The following ZDHHC15 variants were observed in gnomAD, a reference collection of about 807,000 sequenced individuals.
The protein encoded by ZDHHC15 is palmitoyltransferase ZDHHC15.
ZDHHC15 carries 19 observed loss-of-function variants against 31.7 expected under a neutral mutation model. The observed-to-expected ratio is 0.60, with a 90% CI of 0.42 to 0.88. The LOEUF (loss-of-function observed/expected upper bound fraction) is 0.88. Ranked by LOEUF, ZDHHC15 falls within the 40% of genes least tolerant of loss-of-function variation. The pLI is 0.00. For synonymous variants in ZDHHC15, 103 were observed against 90.0 expected (o/e 1.14, Z -0.82); for missense variants, 209 against 251.2 (o/e 0.83, Z 1.14).
rs185236919 is a variant in ZDHHC15, at chrX:75,483,723, G to C, written c.164-4738C>G. 2.7e-5 allele frequency among the ~76,000 whole-genome samples: 3 copies of C among 111,551 alleles called. No individual in the cohort carries two copies. The East Asian group carries it at 8.5e-4, about 31-fold the overall frequency. On this transcript the variant is annotated intron_variant, in intron 2 of 11. Transcript: ENST00000373367. ...GGGAATAATCTTTGGCTTCTTTCCTGGTTTAAAATGGATAGTTGAAATATC... is the reference window on the plus strand; with the variant it reads ...GGGAATAATCTTTGGCTTCTTTCCTCGTTTAAAATGGATAGTTGAAATATC...
At chrX:75,479,833 G>T (rs2084661920) in intron 2 of ZDHHC15, among the ~76,000 whole-genome samples, 1 of 111,973 alleles carries the variant, frequency 8.9e-6, no homozygotes, top group South Asian at 3.8e-4. Context: ...TGCTGCAAAA[G>T]ACATGATTTC....
chrX:75,489,900 C>A (rs1360204090), intron 2 of ZDHHC15, among the ~76,000 whole-genome samples: 1 of 111,814 alleles, frequency 8.9e-6, no homozygotes, highest in Non-Finnish European at 1.9e-5. Context: ...CTTAAAGGAC[C>A]TGATGGAGCT....
chrX:75,445,800 C>T (rs1310977837), intron 4 of ZDHHC15, among the ~76,000 whole-genome samples: 3 of 111,576 alleles, frequency 2.7e-5, no homozygotes, highest in South Asian at 7.6e-4. Context: ...ATACTGAGTG[C>T]CTAAATTCCA....
intron 10 of ZDHHC15, among the ~76,000 whole-genome samples, chrX:75,412,526 G>A (rs1260122403): frequency 9.0e-6 from 1 of 110,755 alleles, no homozygotes; most frequent in African/African-American, 3.3e-5. Context: ...CCACTTCCCG[G>A]GTTCAAGCGA....
intron 1 of ZDHHC15, among the ~76,000 whole-genome samples, chrX:75,515,896 C>T (rs2085348468): frequency 8.9e-6 from 1 of 111,805 alleles, no homozygotes; most frequent in South Asian, 3.7e-4. Context: ...TCTCAGGATA[C>T]CAAATCAATG....
At chrX:75,438,516 C>A (rs1437151731) in intron 4 of ZDHHC15, among the ~76,000 whole-genome samples, 1 of 110,619 alleles carries the variant, frequency 9.0e-6, no homozygotes, top group Non-Finnish European at 1.9e-5. Flanking sequence ...CATTGAATAC[C>A]TTTTTTCACT....
chrX:75,519,741 C>T (rs1047825591), intron 1 of ZDHHC15, among the ~76,000 whole-genome samples: 16 of 112,022 alleles, frequency 1.4e-4, no homozygotes, highest in Non-Finnish European at 2.8e-4. Flanking sequence ...GGATTTCCAA[C>T]TCTTCACTAT....
Position 75,372,014 on chromosome X carries a change from A to G in ZDHHC15, c.*964T>C, listed in dbSNP as rs1433050582. 1 of 111,980 alleles carries G rather than the reference A, an allele frequency of 8.9e-6. No individual in the cohort carries two copies. Among genetic ancestry groups the G allele is most frequent in the African/African-American group, 3.2e-5 (1 of 30,853 alleles). 9.2% of individuals were successfully genotyped at this position (111,980 alleles called of 1,213,427 possible). On this transcript the variant is annotated 3_prime_UTR_variant, in exon 12 of 12. Coordinates refer to ENST00000373367, the MANE Select transcript of ZDHHC15 (RefSeq NM_144969.3). ...AGGCTAATGTCAGCTGTGAAACTTT[A>G]CCCTTATGAAAGGCAGTGAAATTAA...
At chrX:75,505,914 A>AGAGAGAG in intron 1 of ZDHHC15, 67 bp from the exon 2 acceptor site, 1 of 986,327 alleles carries the variant, frequency 1.0e-6, no homozygotes, top group Non-Finnish European at 1.4e-6. Flanking sequence ...AGAGAGAGAG[A>AGAGAGAG]AATTAGTTAT....
rs1032834227 is a variant in ZDHHC15, at chrX:75,479,040, T to C, written c.164-55A>G. On this transcript the variant is annotated intron_variant, in intron 2 of 11. Coordinates refer to ENST00000373367, the MANE Select transcript of ZDHHC15 (RefSeq NM_144969.3). The stretch of plus-strand genomic sequence containing the variant: ...CTATCTTTTTATCCATTTCTAAGAA[T>C]TCAAAAATACAAAGCTCCATGACGA... 18 of 854,133 alleles carry C rather than the reference T, an allele frequency of 2.1e-5. No individual in the cohort carries two copies. The African/African-American group carries it at 3.4e-4, about 16-fold the overall frequency. 70.4% of individuals were successfully genotyped at this position (854,133 alleles called of 1,213,427 possible). A position where few individuals can be genotyped will look rare whatever the true frequency, so the allele number is the denominator to read the frequency against.
chrX:75,466,897 T>TG (rs2084415509), intron 3 of ZDHHC15, among the ~76,000 whole-genome samples: 1 of 43,988 alleles, frequency 2.3e-5, no homozygotes, highest in Admixed American at 3.2e-4. Context: ...CTGTTAGGGG[T>TG]GGGGGGAGGG....
intron 10 of ZDHHC15, among the ~76,000 whole-genome samples, chrX:75,394,880 T>C (rs1166651992): frequency 8.9e-6 from 1 of 111,853 alleles, no homozygotes; most frequent in Admixed American, 9.5e-5. Context: ...CCTAAAAATA[T>C]TTACAGAACA....
chrX:75,438,558 T>C (rs1011800508), intron 4 of ZDHHC15, among the ~76,000 whole-genome samples: 1 of 111,707 alleles, frequency 9.0e-6, no homozygotes, highest in African/African-American at 3.3e-5. Flanking sequence ...AGTCCTTTTA[T>C]GTTAGGTGCG....
At chrX:75,412,434 T>C (rs2083494804) in intron 10 of ZDHHC15, among the ~76,000 whole-genome samples, 1 of 110,235 alleles carries the variant, frequency 9.1e-6, no homozygotes, top group Admixed American at 9.6e-5. Flanking sequence ...CTGATTATTA[T>C]TCTTTTTTTT....
chrX:75,375,369 A>G (rs1204009788), intron 11 of ZDHHC15, among the ~76,000 whole-genome samples: 1 of 111,962 alleles, frequency 8.9e-6, no homozygotes, highest in African/African-American at 3.2e-5. Flanking sequence ...TATTTTGTTG[A>G]TTGTTTGCAT....
At chrX:75,436,428 T>C (rs1195751775) in intron 4 of ZDHHC15, among the ~76,000 whole-genome samples, 1 of 111,924 alleles carries the variant, frequency 8.9e-6, no homozygotes, top group Non-Finnish European at 1.9e-5. Flanking sequence ...TAAGCTTAGA[T>C]TGTCCATTTG....
chrX:75,428,307 C>T (rs2083737858), intron 7 of ZDHHC15, among the ~76,000 whole-genome samples: 1 of 111,689 alleles, frequency 9.0e-6, no homozygotes, highest in Admixed American at 9.6e-5. Flanking sequence ...AGACCTTGTA[C>T]ACATATGTAA....
chrX:75,404,047 C>T (rs1188636386), intron 10 of ZDHHC15, among the ~76,000 whole-genome samples: 1 of 111,307 alleles, frequency 9.0e-6, no homozygotes, highest in Non-Finnish European at 1.9e-5. Flanking sequence ...CAAAGGAACA[C>T]AATAGAGAGC....
At chrX:75,500,363 T>C (rs1465072488) in intron 2 of ZDHHC15, among the ~76,000 whole-genome samples, 1 of 110,461 alleles carries the variant, frequency 9.1e-6, no homozygotes, top group Non-Finnish European at 1.9e-5. Flanking sequence ...TATATTTGTA[T>C]ATAGTAACAT....
Sources: gnomAD v4.1 joint callset for allele counts (sites outside exome capture counted in the v4.1 genomes callset) on GRCh38, gnomAD v4.1.1 for gene constraint, MANE v1.5 for transcripts, NCBI Gene and HGNC (gene_info 2026-07-23, HGNC 2026-07-21) for gene names.